The following RSU1 variants were observed in gnomAD, a reference collection of about 807,000 sequenced individuals.
The protein encoded by RSU1 is Ras suppressor protein 1.
Under a neutral mutation model 31.1 loss-of-function variants are expected in RSU1, and 26 were observed. The ratio of observed to expected loss-of-function variants is 0.84; its 90% CI spans 0.61 to 1.16. The LOEUF is 1.16. Among genes scored for constraint, RSU1 ranks in the 50% most tolerant of loss-of-function variants. RSU1 has a pLI of 0.00. For synonymous variants in RSU1, 164 were observed against 136.3 expected (o/e 1.20, Z -1.41); for missense variants, 320 against 339.1 (o/e 0.94, Z 0.44).
intron 4 of RSU1, among the ~76,000 whole-genome samples, chr10:16,757,428 CCT>C (rs879926080): frequency 2.4e-4 from 37 of 152,188 alleles, no homozygotes; most frequent in African/African-American, 8.2e-4. Flanking sequence ...GCGGGTTCCC[CCT>C]GTCAGGCAGA....
chr10:16,787,779 G>C (rs959983328), intron 2 of RSU1, among the ~76,000 whole-genome samples: 1 of 152,202 alleles, frequency 6.6e-6, no homozygotes, highest in African/African-American at 2.4e-5. Flanking sequence ...GTGGAAATGT[G>C]AGTCCATTAA....
chr10:16,638,702 C>A (rs1834389711), intron 8 of RSU1, among the ~76,000 whole-genome samples: 1 of 152,206 alleles, frequency 6.6e-6, no homozygotes, highest in South Asian at 2.1e-4. Flanking sequence ...AAAATACACA[C>A]AGCTCAATCT....
intron 2 of RSU1, among the ~76,000 whole-genome samples, chr10:16,805,116 A>G (rs1838238247): frequency 1.3e-5 from 2 of 151,718 alleles, no homozygotes; most frequent in Admixed American, 6.6e-5. Context: ...CTGAGGCAGG[A>G]GCATCCCTTG....
At chr10:16,779,217 T>A (rs1837602316) in intron 3 of RSU1, among the ~76,000 whole-genome samples, 1 of 152,210 alleles carries the variant, frequency 6.6e-6, no homozygotes, top group South Asian at 2.1e-4. Flanking sequence ...AGGGGCACCA[T>A]AATAGTCTTG....
At chr10:16,647,392 T>A (rs532772350) in intron 8 of RSU1, among the ~76,000 whole-genome samples, 92 of 152,268 alleles carry the variant, frequency 6.0e-4, no homozygotes, top group South Asian at 1.2e-3. Context: ...GCAATTCCAC[T>A]CCTAGGTACA....
At chr10:16,676,110 C>T (rs1438548994) in intron 8 of RSU1, among the ~76,000 whole-genome samples, 1 of 152,196 alleles carries the variant, frequency 6.6e-6, no homozygotes, top group Non-Finnish European at 1.5e-5. Flanking sequence ...AGAGAAAGGT[C>T]ATACCCTTTA....
intron 3 of RSU1, chr10:16,767,504 CTTTTGGTGAGCATGTGAAT>C (rs1371173775): frequency 6.6e-6 from 1 of 152,084 alleles, no homozygotes; most frequent in African/African-American, 2.4e-5. Flanking sequence ...CTCTCCCAGC[CTTTTGGTGAGCATGTGAAT>C]TTTTCGTTTA....
chr10:16,766,607 C>G (rs770099894), intron 3 of RSU1, among the ~76,000 whole-genome samples: 1 of 151,990 alleles, frequency 6.6e-6, no homozygotes, highest in Non-Finnish European at 1.5e-5. Context: ...CCCAGCTACT[C>G]GGGAAGCTGA....
chr10:16,781,620 A>G (rs1564355352), intron 3 of RSU1, among the ~76,000 whole-genome samples: 1 of 152,332 alleles, frequency 6.6e-6, no homozygotes, highest in Admixed American at 6.5e-5. Context: ...CATAGCATTT[A>G]CTATCTCTGA....
At chr10:16,757,047 T>A (rs75018304) in intron 4 of RSU1, among the ~76,000 whole-genome samples, 2 of 149,662 alleles carry the variant, frequency 1.3e-5, no homozygotes, top group Non-Finnish European at 1.5e-5. Flanking sequence ...GTGGTGTGTG[T>A]GTGGGTGTGT....
At chr10:16,596,798 C>T (rs571587353) in intron 8 of RSU1, among the ~76,000 whole-genome samples, 5 of 152,228 alleles carry the variant, frequency 3.3e-5, no homozygotes, top group Non-Finnish European at 7.3e-5. Flanking sequence ...TCTCAGTTCA[C>T]TGCAGCTTCT....
chr10:16,810,463 C>G (rs1183663502), intron 2 of RSU1, among the ~76,000 whole-genome samples: 14 of 152,118 alleles, frequency 9.2e-5, no homozygotes, highest in Non-Finnish European at 1.5e-5. Context: ...GCTGTTCCCC[C>G]AGCAGCCGCC....
chr10:16,674,486 G>A (rs1005606906), intron 8 of RSU1, among the ~76,000 whole-genome samples: 1 of 149,640 alleles, frequency 6.7e-6, no homozygotes, highest in Non-Finnish European at 1.5e-5. Context: ...AGCTCTCATC[G>A]AATATTCAGA....
At chr10:16,597,266 G>A (rs1833632571) in intron 8 of RSU1, among the ~76,000 whole-genome samples, 1 of 152,188 alleles carries the variant, frequency 6.6e-6, no homozygotes, top group African/African-American at 2.4e-5. Flanking sequence ...ATTTCAGAAG[G>A]GGTTGCAAAA....
At chr10:16,780,343 G>A (rs1588530438) in intron 3 of RSU1, among the ~76,000 whole-genome samples, 1 of 152,262 alleles carries the variant, frequency 6.6e-6, no homozygotes, top group South Asian at 2.1e-4. Context: ...CTGCAACCTC[G>A]ACCTACTGGG....
At chr10:16,731,847 C>T (rs1410691061) in intron 7 of RSU1, among the ~76,000 whole-genome samples, 1 of 151,672 alleles carries the variant, frequency 6.6e-6, no homozygotes, top group Non-Finnish European at 1.5e-5. Flanking sequence ...AAGTAGCTTT[C>T]TGCCATTTAT....
chr10:16,735,399 A>G (rs1446021337), intron 7 of RSU1, among the ~76,000 whole-genome samples: 3 of 152,208 alleles, frequency 2.0e-5, no homozygotes, highest in Non-Finnish European at 4.4e-5. Flanking sequence ...GGTTGTGTAA[A>G]TGGGTAAGAA....
chr10:16,695,303 C>T, intron 7 of RSU1, 148 bp from the exon 8 acceptor site: 2 of 678,498 alleles, frequency 2.9e-6, no homozygotes, highest in Middle Eastern at 7.4e-4. Context: ...TTTCTTAACC[C>T]AAGTCATCAC....
chr10:16,764,557 A>G, intron 3 of RSU1, 47 bp from the exon 4 acceptor site: 2 of 1,587,402 alleles, frequency 1.3e-6, no homozygotes, highest in Non-Finnish European at 1.7e-6. Flanking sequence ...TGGAACTCCT[A>G]GCAAGGGATG....
Sources: allele counts gnomAD v4.1 joint callset (sites outside exome capture counted in the v4.1 genomes callset), GRCh38; gene constraint gnomAD v4.1.1; transcripts MANE v1.5; gene names NCBI Gene and HGNC (gene_info 2026-07-23, HGNC 2026-07-21).